Variants in GYPE observed in about 807,000 individuals in gnomAD.
GYPE encodes glycophorin E (MNS blood group).
Under a neutral mutation model 11.6 loss-of-function variants are expected in GYPE, and 8 were observed. The observed-to-expected ratio is 0.69, with a 90% CI of 0.41 to 1.25. The LOEUF is 1.25. Among genes scored for constraint, GYPE ranks in the 50% most tolerant of loss-of-function variants. GYPE has a pLI of 0.01. For synonymous variants in GYPE, 28 were observed against 29.6 expected (o/e 0.94, Z 0.18); for missense variants, 90 against 92.8 (o/e 0.97, Z 0.12).
At chr4:143,904,051 G>GT (rs980198041) in intron 1 of GYPE, among the ~76,000 whole-genome samples, 1 of 151,796 alleles carries the variant, frequency 6.6e-6, no homozygotes, top group Non-Finnish European at 1.5e-5. Context: ...CCTTTCATTT[G>GT]TTTTTTCTTC....
At chr4:143,904,153 C>A (rs1485267873) in intron 1 of GYPE, among the ~76,000 whole-genome samples, 1 of 151,850 alleles carries the variant, frequency 6.6e-6, no homozygotes, top group African/African-American at 2.4e-5. Flanking sequence ...TTCTCTCTGA[C>A]TTTTCAGAAA....
intron 1 of GYPE, among the ~76,000 whole-genome samples, chr4:143,895,193 T>C (rs9799823): frequency 0.93 from 141,159 of 152,160 alleles, 66,431 homozygotes; most frequent in East Asian, 1. Flanking sequence ...GGGTATTCAA[T>C]TAGGAAAAGA....
intron 1 of GYPE, among the ~76,000 whole-genome samples, chr4:143,892,269 T>C (rs1305860336): frequency 1.3e-5 from 2 of 152,140 alleles, no homozygotes; most frequent in Non-Finnish European, 2.9e-5. Context: ...AGCTCCTGGG[T>C]TCATTAATTT....
At chr4:143,880,365 A>T (rs756395000) in intron 2 of GYPE, 46 bp downstream of exon 2, 2 of 1,613,430 alleles carry the variant, frequency 1.2e-6, no homozygotes, top group Non-Finnish European at 8.5e-7. Context: ...TTGCATCACA[A>T]AAACGATTTC....
intron 1 of GYPE, among the ~76,000 whole-genome samples, chr4:143,896,195 G>T (rs1307695699): frequency 6.6e-6 from 1 of 152,072 alleles, no homozygotes; most frequent in East Asian, 1.9e-4. Context: ...CACAGCAAAA[G>T]AAACTACCAT....
At chr4:143,872,786 G>C (rs1339675652) in intron 3 of GYPE, among the ~76,000 whole-genome samples, 1 of 152,086 alleles carries the variant, frequency 6.6e-6, no homozygotes, top group African/African-American at 2.4e-5. Flanking sequence ...GAAAAAATTA[G>C]AACAAAGTTC....
intron 1 of GYPE, among the ~76,000 whole-genome samples, chr4:143,882,831 C>T (rs115321941): frequency 0.014 from 2,081 of 152,288 alleles, 20 homozygotes; most frequent in Middle Eastern, 0.037. Context: ...ATGGGCTCTT[C>T]TGAAACATAA....
In GYPE at chr4:143,871,733, C is replaced by G. The variant is rs1339130172; in HGVS notation, c.*529G>C. 2 of 152,100 alleles carry G rather than the reference C, an allele frequency of 1.3e-5. No individual in the cohort carries two copies. Among genetic ancestry groups the G allele is most frequent in the Admixed American group, 1.3e-4 (2 of 15,272 alleles). 9.4% of individuals were successfully genotyped at this position (152,100 alleles called of 1,614,324 possible). The stretch of plus-strand genomic sequence containing the variant: ...AATGCCTTCAAGAAGGTGAGAGAAA[C>G]TAATATTTGGTTTACTGTCAGCAGT... On this transcript the variant is annotated 3_prime_UTR_variant, in exon 4 of 4. Transcript: ENST00000358615.
In GYPE at chr4:143,876,819, A is replaced by G. The variant is rs1743830600; in HGVS notation, c.173T>C (p.Val58Ala). The part of the protein sequence containing the change: ...TLINWWAMAR[V>A]IFEVMLVVVG... ...AACAACAAGCATCACCTCAAAAATA[A>G]CACGAGCCATCGCCCACCAATTAAT... Residue 58 changes from valine to alanine, a missense_variant, in exon 3 of 4, where the codon GTT (valine) becomes GCT (alanine). Transcript: ENST00000358615. The G allele has an allele frequency of 1.9e-6, 3 of 1,611,690 alleles. No individual in the cohort carries two copies. Among genetic ancestry groups the G allele is most frequent in the South Asian group, 2.2e-5 (2 of 90,840 alleles).
At chr4:143,873,664 TGTG>T (rs1743692409) in intron 3 of GYPE, among the ~76,000 whole-genome samples, 1 of 152,180 alleles carries the variant, frequency 6.6e-6, no homozygotes, top group Non-Finnish European at 1.5e-5. Context: ...CAGCTGATTA[TGTG>T]AACTCAGGCT....
At chr4:143,904,544 G>C (rs1000479049) in intron 1 of GYPE, among the ~76,000 whole-genome samples, 3 of 152,058 alleles carry the variant, frequency 2.0e-5, no homozygotes, top group Admixed American at 6.6e-5. Context: ...CTCCCCTAGG[G>C]TATCTTAGAA....
At chr4:143,902,328 T>C (rs1263533327) in intron 1 of GYPE, among the ~76,000 whole-genome samples, 1 of 113,050 alleles carries the variant, frequency 8.8e-6, no homozygotes, top group Non-Finnish European at 1.8e-5. Flanking sequence ...AAGGCTCTCT[T>C]CTTGGATCCC....
chr4:143,877,059 A>T (rs1743843686), intron 2 of GYPE, among the ~76,000 whole-genome samples: 1 of 152,222 alleles, frequency 6.6e-6, no homozygotes, highest in Non-Finnish European at 1.5e-5. Flanking sequence ...TGGGTGATCA[A>T]GTCTTTTGTC....
At chr4:143,898,545 A>T (rs1744748670) in intron 1 of GYPE, among the ~76,000 whole-genome samples, 1 of 152,210 alleles carries the variant, frequency 6.6e-6, no homozygotes, top group African/African-American at 2.4e-5. Flanking sequence ...ATTTTAGCCC[A>T]ATAATATAGC....
At chr4:143,896,680 T>G (rs903100204) in intron 1 of GYPE, among the ~76,000 whole-genome samples, 1 of 152,134 alleles carries the variant, frequency 6.6e-6, no homozygotes, top group Non-Finnish European at 1.5e-5. Flanking sequence ...GGACTATAAA[T>G]CATGCTGCTA....
At chr4:143,879,743 T>G (rs954879697) in intron 2 of GYPE, among the ~76,000 whole-genome samples, 12 of 152,136 alleles carry the variant, frequency 7.9e-5, no homozygotes, top group Non-Finnish European at 1.5e-4. Context: ...AAGAATGAGG[T>G]GACTGCGTGG....
chr4:143,887,697 G>C (rs1435286840), intron 1 of GYPE, among the ~76,000 whole-genome samples: 1 of 150,714 alleles, frequency 6.6e-6, no homozygotes, highest in Non-Finnish European at 1.5e-5. Flanking sequence ...GGCAAGTGTT[G>C]GCAAATCTCT....
intron 1 of GYPE, among the ~76,000 whole-genome samples, chr4:143,904,952 G>GT (rs1745005666): frequency 6.6e-6 from 1 of 151,964 alleles, no homozygotes; most frequent in South Asian, 2.1e-4. Flanking sequence ...AGTAAGAGTT[G>GT]TTTTTGTTTT....
rs1159163287 is a variant in GYPE at position 143,872,006 on chromosome 4, G to C, written c.*256C>G. On this transcript the variant is annotated 3_prime_UTR_variant, in exon 4 of 4. Transcript: ENST00000358615. ...CAATGAGGCATGGGATAAGGATTTC[G>C]TGATGAGAATCGGGCAGAACTGGAG... The C allele has an allele frequency of 6.6e-6, 1 of 152,176 alleles. No homozygotes were observed. The highest frequency in any genetic ancestry group is 2.4e-5 in the African/African-American group (1 of 41,408). The allele number at this position is 152,176 out of a possible 1,614,324, so 9.4% of individuals were successfully genotyped here.
Sources: gnomAD v4.1 joint callset for allele counts (sites outside exome capture counted in the v4.1 genomes callset) on GRCh38, gnomAD v4.1.1 for gene constraint, MANE v1.5 for transcripts, NCBI Gene and HGNC (gene_info 2026-07-23, HGNC 2026-07-21) for gene names.